CNTFR: variants seen among roughly 807,000 people sequenced by gnomAD.
CNTFR encodes ciliary neurotrophic factor receptor subunit alpha.
Under a neutral mutation model 40.4 loss-of-function variants are expected in CNTFR, and 12 were observed. The ratio of observed to expected loss-of-function variants is 0.30; its 90% CI spans 0.19 to 0.48. The LOEUF (loss-of-function observed/expected upper bound fraction) is 0.48, where lower values mean the gene tolerates loss of function less well. Ranked by LOEUF, CNTFR falls within the 20% of genes least tolerant of loss-of-function variation. The pLI is 0.99. For missense variants in CNTFR, 414 were observed against 506.8 expected (o/e 0.82, Z 1.76); for synonymous variants, 202 against 209.6 (o/e 0.96, Z 0.31).
At chr9:34,572,719 G>T (rs901771296) in intron 2 of CNTFR, among the ~76,000 whole-genome samples, 1 of 152,338 alleles carries the variant, frequency 6.6e-6, no homozygotes. Context: ...AACACCCATT[G>T]AAAATGACAC....
intron 7 of CNTFR, among the ~76,000 whole-genome samples, chr9:34,553,975 C>T (rs1259424807): frequency 3.9e-5 from 6 of 152,054 alleles, no homozygotes; most frequent in East Asian, 1.9e-4. Flanking sequence ...TGCATGCACA[C>T]GTGTGTGTAT....
chr9:34,576,286 ACT>A (rs1826958032), intron 2 of CNTFR, among the ~76,000 whole-genome samples: 1 of 152,018 alleles, frequency 6.6e-6, no homozygotes, highest in African/African-American at 2.4e-5. Flanking sequence ...TTACAGTCAC[ACT>A]CACACACACA....
chr9:34,583,760 G>A (rs947668265), intron 1 of CNTFR, among the ~76,000 whole-genome samples: 19 of 152,086 alleles, frequency 1.2e-4, no homozygotes, highest in African/African-American at 4.3e-4. Context: ...AGTCATTGAC[G>A]TCAGGGGCCT....
chr9:34,552,407 T>C lies in CNTFR; in HGVS notation c.950-78A>G, dbSNP rs1235628925. On this transcript the variant is annotated intron_variant, in intron 8 of 9. Coordinates refer to ENST00000378980, the MANE Select transcript of CNTFR (RefSeq NM_147164.3). This position sits in a 1 kb window ranked among gnomAD's most constrained non-coding sequence, Gnocchi z 5.1. ...ATCTGGGGGCTCATGAGACATACCA[T>C]TCTGCTTCCTGCATCAGACTGGTAC... The C allele has an allele frequency of 3.6e-6, 5 of 1,393,632 alleles. No homozygotes were observed. In the South Asian group the frequency reaches 5.5e-5, roughly 15 times the overall value. 86.3% of individuals were successfully genotyped at this position (1,393,632 alleles called of 1,614,324 possible).
At chr9:34,588,066 A>G (rs1827616062) in intron 1 of CNTFR, among the ~76,000 whole-genome samples, 1 of 152,192 alleles carries the variant, frequency 6.6e-6, no homozygotes, top group Non-Finnish European at 1.5e-5. Context: ...AGTCCTGTGC[A>G]TGAACTTTAA....
Position 34,557,971 on chromosome 9 carries a change from C to T in CNTFR, c.333G>A (p.Glu111=), listed in dbSNP as rs1312600589. ...TGTTGGAGCGGCAGCTGAGCACAGGCTCCCGCGGCGGCACTGGGGGTGAGG... is the reference window on the plus strand; with the variant it reads ...TGTTGGAGCGGCAGCTGAGCACAGGTTCCCGCGGCGGCACTGGGGGTGAGG... ...VLLHVGLPPR[E]PVLSCRSNTY... The change falls in exon 5 of 10, where the codon GAG becomes GAA. Residue 111 remains glutamate, a synonymous_variant. Transcript: ENST00000378980. This position sits in a 1 kb window ranked among gnomAD's most constrained non-coding sequence, Gnocchi z 4.2. The T allele has an allele frequency of 6.5e-7, 1 of 1,545,160 alleles. No individual in the cohort carries two copies.
At chr9:34,577,724 G>C (rs1283695742) in intron 2 of CNTFR, among the ~76,000 whole-genome samples, 1 of 152,200 alleles carries the variant, frequency 6.6e-6, no homozygotes, top group Non-Finnish European at 1.5e-5. Context: ...CCCTCTCAGA[G>C]GCCTGGTCCG....
rs762793228 is a variant in CNTFR, at chr9:34,552,676, G to A, written c.947C>T (p.Ala316Val). The A allele has an allele frequency of 3.0e-5, 48 of 1,612,396 alleles. 1 individual carries two copies. Among genetic ancestry groups the A allele is most frequent in the Admixed American group, 2.7e-4 (16 of 59,920 alleles). ...GGTAGGGGCGGGAGCAAGCTCACCCGCAGCCTGGGCCTCCGTGGTGAGGTG... is the reference window on the plus strand; with the variant it reads ...GGTAGGGGCGGGAGCAAGCTCACCCACAGCCTGGGCCTCCGTGGTGAGGTG... ...PRHLTTEAQA[A>V]ETTTSTTSSL... is the part of the protein sequence containing the mutation. Residue 316 changes from alanine to valine, a missense_variant and splice_region_variant, in exon 8 of 10, where the codon GCG (alanine) becomes GTG (valine). By Grantham distance (64) the Ala-to-Val change is moderately conservative. This residue lies in a region of CNTFR where 81 missense variants were observed against 92.2 expected (regional missense o/e 0.88). Transcript: ENST00000378980. The surrounding 1 kb of genome is among the most constrained non-coding windows in gnomAD (Gnocchi z 5.1).
chr9:34,579,556 G>A (rs992448298), intron 2 of CNTFR, among the ~76,000 whole-genome samples: 13 of 151,998 alleles, frequency 8.6e-5, no homozygotes, highest in Admixed American at 4.6e-4. Flanking sequence ...CTGAGGGCGA[G>A]GCTCCCACGG....
chr9:34,573,809 T>C (rs910863951), intron 2 of CNTFR, among the ~76,000 whole-genome samples: 1 of 152,216 alleles, frequency 6.6e-6, no homozygotes, highest in Admixed American at 6.5e-5. Flanking sequence ...ATGGACTCAC[T>C]GATTCAAACG....
Position 34,584,326 on chromosome 9 carries a change from CTTTCTT to C in CNTFR, c.-111-3127_-111-3122del, listed in dbSNP as rs147154985. On this transcript the variant is annotated intron_variant, in intron 1 of 9. Coordinates refer to ENST00000378980, the MANE Select transcript of CNTFR (RefSeq NM_147164.3). ...TTGCTCCATATAAAACAAAGGCTCT[CTTTCTT>C]GTGCATCTCTCACCTATGCTGCCTC... Among the ~76,000 whole-genome samples, 719 of 152,332 alleles carry C rather than the reference CTTTCTT, an allele frequency of 4.7e-3. 7 individuals are homozygous for C. The highest frequency in any genetic ancestry group is 0.016 in the African/African-American group (682 of 41,572).
chr9:34,575,564 C>T (rs543520082), intron 2 of CNTFR, among the ~76,000 whole-genome samples: 1 of 152,124 alleles, frequency 6.6e-6, no homozygotes, highest in Non-Finnish European at 1.5e-5. Flanking sequence ...GACCTATTTG[C>T]CTCAGCATCT....
chr9:34,552,121 C>T lies in CNTFR; in HGVS notation c.1118+40G>A, dbSNP rs760634975. On this transcript the variant is annotated intron_variant, in intron 9 of 9. Coordinates refer to ENST00000378980, the MANE Select transcript of CNTFR (RefSeq NM_147164.3). The surrounding 1 kb of genome is among the most constrained non-coding windows in gnomAD (Gnocchi z 5.1). ...CAGGGAGGGGGCTGGAGTGGGGGTT[C>T]CCTCAGGCTCCCTCTGCCACCCAGC... 1.2e-5 allele frequency: 19 copies of T among 1,593,030 alleles called. No individual in the cohort carries two copies. The highest frequency in any genetic ancestry group is 1.4e-5 in the Non-Finnish European group (16 of 1,169,860).
chr9:34,560,957 A>C (rs1193446227), intron 4 of CNTFR, among the ~76,000 whole-genome samples: 1 of 152,164 alleles, frequency 6.6e-6, no homozygotes, highest in Non-Finnish European at 1.5e-5. Context: ...CCCGGCACGC[A>C]TGAGGCCTGC....
At chr9:34,577,627 C>G (rs893322223) in intron 2 of CNTFR, among the ~76,000 whole-genome samples, 2 of 150,778 alleles carry the variant, frequency 1.3e-5, no homozygotes, top group African/African-American at 4.8e-5. Flanking sequence ...GTCACCCCCA[C>G]ACGCTGGGCC....
chr9:34,557,843 C>CG lies in CNTFR; in HGVS notation c.437+23dup. The CG allele has an allele frequency of 6.5e-7, 1 of 1,548,106 alleles. No homozygotes were observed. On this transcript the variant is annotated intron_variant, in intron 5 of 9. Coordinates refer to ENST00000378980, the MANE Select transcript of CNTFR (RefSeq NM_147164.3). This position sits in a 1 kb window ranked among gnomAD's most constrained non-coding sequence, Gnocchi z 4.2. ...AGAGGTCAGAGGTCAGGGCTGGACC[C>CG]GGGTCACAGGCGCAGCTACTCACAG... is the stretch of plus-strand genomic sequence containing the variant.
chr9:34,581,304 G>A (rs923728780), intron 1 of CNTFR, 99 bp from the exon 2 acceptor site: 1 of 152,468 alleles, frequency 6.6e-6, no homozygotes, highest in African/African-American at 2.4e-5. Flanking sequence ...CTGTGAGAAG[G>A]GGAGACTGAG....
intron 4 of CNTFR, among the ~76,000 whole-genome samples, chr9:34,562,261 G>A (rs781049057): frequency 6.6e-6 from 1 of 152,186 alleles, no homozygotes; most frequent in Non-Finnish European, 1.5e-5. Context: ...CTGGGGCTAG[G>A]CTGAGTGCTC....
chr9:34,551,835 G>A lies in CNTFR; in HGVS notation c.*236C>T. 1.6e-6 allele frequency: 1 copy of A among 639,278 alleles called. No individual in the cohort carries two copies. The highest frequency in any genetic ancestry group is 1.8e-5 in the South Asian group (1 of 55,794). 39.6% of individuals were successfully genotyped at this position (639,278 alleles called of 1,614,324 possible). A position where few individuals can be genotyped will look rare whatever the true frequency, so the allele number is the denominator to read the frequency against. ...AAGGGGCCAGGGTGAGGGGGTCTTT[G>A]GTGGGTGGGTTAGCTGCATGGCCCA... On this transcript the variant is annotated 3_prime_UTR_variant, in exon 10 of 10. Coordinates refer to ENST00000378980, the MANE Select transcript of CNTFR (RefSeq NM_147164.3).
Sources: allele counts gnomAD v4.1 joint callset (sites outside exome capture counted in the v4.1 genomes callset), GRCh38; gene constraint gnomAD v4.1.1; regional missense constraint gnomAD v4.1.1; non-coding constraint Gnocchi (gnomAD v3.1); transcripts MANE v1.5; gene names NCBI Gene and HGNC (gene_info 2026-07-23, HGNC 2026-07-21).